The following QKI variants were observed in gnomAD, a reference collection of about 807,000 sequenced individuals.
QKI encodes KH domain-containing RNA-binding protein QKI.
A neutral mutation model predicts 39.0 loss-of-function variants in QKI; 10 were observed. The observed-to-expected ratio is 0.26, with a 90% CI of 0.16 to 0.43. The LOEUF is 0.43. QKI is among the 20% of genes least tolerant of loss of function. The probability of loss-of-function intolerance (pLI) is 1.00; values close to 1 mark genes in which losing one functional copy is unlikely to be tolerated. For missense variants in QKI, 218 were observed against 428.0 expected (o/e 0.51, Z 4.33); for synonymous variants, 204 against 155.4 (o/e 1.31, Z -2.33).
chr6:163,497,977 T>G lies in QKI; in HGVS notation c.402+19081T>G, dbSNP rs114735088. On this transcript the variant is annotated intron_variant, in intron 3 of 7. Coordinates refer to ENST00000361752, the MANE Select transcript of QKI (RefSeq NM_006775.3). Reference sequence around the variant, plus strand: ...GTTAAGGAGTGATACTGCGGCCTTATGAAGTTTTTGATATAAAATTAAAAT... The same window carrying G: ...GTTAAGGAGTGATACTGCGGCCTTAGGAAGTTTTTGATATAAAATTAAAAT... 2.9e-3 allele frequency among the ~76,000 whole-genome samples: 435 copies of G among 152,234 alleles called. 2 individuals are homozygous for G. Among genetic ancestry groups the G allele is most frequent in the African/African-American group, 9.7e-3 (403 of 41,560 alleles).
intron 5 of QKI, among the ~76,000 whole-genome samples, chr6:163,562,801 G>A (rs1783115888): frequency 2.6e-5 from 4 of 152,298 alleles, no homozygotes; most frequent in Admixed American, 1.3e-4. Flanking sequence ...GCAACCTCTA[G>A]TGGGTTTAGA....
intron 4 of QKI, among the ~76,000 whole-genome samples, chr6:163,537,771 T>C (rs903966855): frequency 2.0e-5 from 3 of 152,192 alleles, no homozygotes; most frequent in African/African-American, 7.2e-5. Flanking sequence ...CCCCATTGCC[T>C]TTACCTACTT....
intron 1 of QKI, among the ~76,000 whole-genome samples, chr6:163,428,157 G>A (rs573446347): frequency 2.0e-5 from 3 of 152,322 alleles, no homozygotes; most frequent in African/African-American, 7.2e-5. Context: ...ACCTAATTGA[G>A]TATTTTCATT....
chr6:163,550,384 G>A (rs528791773), intron 4 of QKI, among the ~76,000 whole-genome samples: 30 of 152,136 alleles, frequency 2.0e-4, no homozygotes, highest in African/African-American at 6.5e-4. Context: ...CATGATCCAC[G>A]TTGAGGATTA....
intron 3 of QKI, among the ~76,000 whole-genome samples, chr6:163,512,131 A>G (rs749116381): frequency 6.6e-6 from 1 of 152,080 alleles, no homozygotes; most frequent in Non-Finnish European, 1.5e-5. Context: ...GAAGTATTTG[A>G]CAAAATTCAA....
At chr6:163,568,251 T>C (rs775116818) in intron 7 of QKI, 47 of 985,054 alleles carry the variant, frequency 4.8e-5, no homozygotes, top group Non-Finnish European at 5.4e-5. Context: ...AGTAGTTTTT[T>C]TCCCCCAGCT....
intron 2 of QKI, among the ~76,000 whole-genome samples, chr6:163,461,823 C>A (rs1233108836): frequency 6.6e-6 from 1 of 152,168 alleles, no homozygotes; most frequent in Admixed American, 6.5e-5. Context: ...TCTTCCTCAT[C>A]CTAACCCCTC....
At chr6:163,515,780 A>G (rs1483122153) in intron 3 of QKI, among the ~76,000 whole-genome samples, 1 of 152,174 alleles carries the variant, frequency 6.6e-6, no homozygotes, top group Non-Finnish European at 1.5e-5. Context: ...AGCACTTTGA[A>G]TATTGAATAT....
intron 3 of QKI, among the ~76,000 whole-genome samples, chr6:163,480,374 T>C (rs1046685842): frequency 6.6e-6 from 1 of 152,076 alleles, no homozygotes; most frequent in African/African-American, 2.4e-5. Context: ...GCTGAATCGC[T>C]TTGTGGAACT....
chr6:163,568,000 A>G, intron 7 of QKI: 1 of 985,592 alleles, frequency 1.0e-6, no homozygotes, highest in South Asian at 4.7e-5. Context: ...AACGTTGAAG[A>G]CTTTTAAACT....
chr6:163,546,962 A>G (rs1781918960), intron 4 of QKI, among the ~76,000 whole-genome samples: 1 of 152,166 alleles, frequency 6.6e-6, no homozygotes, highest in Admixed American at 6.5e-5. Flanking sequence ...TCTTTAATGT[A>G]TAAATAAAAT....
chr6:163,446,835 A>G (rs146113644), intron 1 of QKI, among the ~76,000 whole-genome samples: 5 of 152,144 alleles, frequency 3.3e-5, no homozygotes, highest in East Asian at 3.9e-4. Flanking sequence ...TCAGTGACCT[A>G]TTTTACTTTC....
intron 1 of QKI, among the ~76,000 whole-genome samples, chr6:163,427,905 G>A (rs868497414): frequency 1.3e-5 from 2 of 152,140 alleles, no homozygotes; most frequent in African/African-American, 2.4e-5. Flanking sequence ...AACCTCATAG[G>A]TAGAAAGTAA....
intron 3 of QKI, among the ~76,000 whole-genome samples, chr6:163,479,161 C>T (rs529828568): frequency 1.1e-3 from 161 of 150,918 alleles, no homozygotes; most frequent in African/African-American, 3.7e-3. Context: ...TGGTGGCGGG[C>T]GCCTGTAATC....
At chr6:163,416,372 AAAAG>A (rs1447873527) in intron 1 of QKI, 2 of 163,092 alleles carry the variant, frequency 1.2e-5, no homozygotes, top group African/African-American at 4.8e-5. Context: ...CTAGAGAAAA[AAAAG>A]ACCACAAAAA....
chr6:163,542,324 AT>A (rs1383641273), intron 4 of QKI, among the ~76,000 whole-genome samples: 2 of 152,048 alleles, frequency 1.3e-5, no homozygotes, highest in African/African-American at 4.8e-5. Context: ...ATGGATACAT[AT>A]TCTATGATCT....
At chr6:163,461,683 A>AG (rs1791362919) in intron 2 of QKI, among the ~76,000 whole-genome samples, 1 of 152,230 alleles carries the variant, frequency 6.6e-6, no homozygotes, top group African/African-American at 2.4e-5. Context: ...TCTGCTTCTC[A>AG]GTGCTATCCA....
At chr6:163,565,530 A>G (rs1246865689) in intron 6 of QKI, 1 of 990,062 alleles carries the variant, frequency 1.0e-6, no homozygotes, top group Non-Finnish European at 1.2e-6. Context: ...GTAAAGCTTC[A>G]TGTCTTTTGT....
chr6:163,455,506 A>G, intron 2 of QKI, 85 bp downstream of exon 2: 14 of 1,316,734 alleles, frequency 1.1e-5, no homozygotes, highest in South Asian at 3.0e-5. Context: ...ATACTTAAGC[A>G]TTATTAGCCA....
Sources: gnomAD v4.1 joint callset for allele counts (sites outside exome capture counted in the v4.1 genomes callset) on GRCh38, gnomAD v4.1.1 for gene constraint, MANE v1.5 for transcripts, NCBI Gene and HGNC (gene_info 2026-07-23, HGNC 2026-07-21) for gene names.